SPOCK1: variants seen among roughly 807,000 people sequenced by gnomAD.
The protein encoded by SPOCK1 is SPARC (osteonectin), cwcv and kazal like domains proteoglycan 1.
Under a neutral mutation model 55.3 loss-of-function variants are expected in SPOCK1, and 23 were observed. The ratio of observed to expected loss-of-function variants is 0.42; its 90% confidence interval spans 0.30 to 0.59. SPOCK1 has a LOEUF of 0.59. Ranked by LOEUF, SPOCK1 falls within the 20% of genes least tolerant of loss-of-function variation. The probability of loss-of-function intolerance (pLI) is 0.22; values close to 1 mark genes in which losing one functional copy is unlikely to be tolerated. For synonymous variants in SPOCK1, 226 were observed against 221.0 expected, an observed-to-expected ratio of 1.02 and a Z score of -0.20; for missense variants, 499 against 552.5, an observed-to-expected ratio of 0.90 and a Z score of 0.97.
chr5:137,152,823 C>A (rs948147444), intron 3 of SPOCK1, among the ~76,000 whole-genome samples: 2 of 152,204 alleles, frequency 1.3e-5, no homozygotes, highest in African/African-American at 4.8e-5. Context: ...AACCCTCAAA[C>A]ATCTGAGGTG....
At chr5:137,160,458 A>G (rs1422585487) in intron 3 of SPOCK1, among the ~76,000 whole-genome samples, 4 of 117,688 alleles carry the variant, frequency 3.4e-5, no homozygotes, top group Admixed American at 1.2e-4. Flanking sequence ...TATATATGGG[A>G]CATAGAACAT....
intron 3 of SPOCK1, among the ~76,000 whole-genome samples, chr5:137,164,899 T>C (rs1255813502): frequency 6.6e-6 from 1 of 152,150 alleles, no homozygotes; most frequent in Non-Finnish European, 1.5e-5. Flanking sequence ...TCAGATGCAG[T>C]AAAATAGAAC....
At chr5:137,293,494 GA>G (rs11306043) in intron 2 of SPOCK1, among the ~76,000 whole-genome samples, 130,946 of 152,004 alleles carry the variant, frequency 0.86, 56,764 homozygotes, top group African/African-American at 0.95. Flanking sequence ...CAGAGGAAGT[GA>G]AAAAAAAGAG....
chr5:137,123,632 C>A (rs943797285), intron 4 of SPOCK1, among the ~76,000 whole-genome samples: 2 of 152,038 alleles, frequency 1.3e-5, no homozygotes, highest in African/African-American at 4.8e-5. Flanking sequence ...CAAGAAAAAG[C>A]CTTTTGACTC....
At position 136,988,503 on chromosome 5, in the gene SPOCK1, G is replaced by C. The variant is rs762483512; in HGVS notation, c.847C>G (p.Pro283Ala). ...AAGGAGTCACACGAGTTGAAAAGAG[G>C]CTTGATACAGGGCTCGTACTTATCC... is the stretch of plus-strand genomic sequence containing the variant. The part of the protein sequence containing the change: ...YLDKYEPCIK[P>A]LFNSCDSFKD... The change falls in exon 8 of 11, where the codon CCT becomes GCT. Residue 283 changes from proline (P) to alanine (A), a missense_variant. Pro to Ala is a conservative substitution (Grantham distance 27). This residue lies in a region of SPOCK1 where 386 missense variants were observed against 400.6 expected (regional missense o/e 0.96). Transcript: ENST00000394945. The C allele has an allele frequency of 1.2e-6, 2 of 1,614,038 alleles. No homozygotes were observed. Among genetic ancestry groups the C allele is most frequent in the African/African-American group, 2.7e-5 (2 of 74,918 alleles).
rs114294849 is a variant in SPOCK1 at position 137,450,443 on chromosome 5, A to G, written c.186+47930T>C. 8.3e-3 allele frequency among the ~76,000 whole-genome samples: 1,263 copies of G among 152,256 alleles called. 15 individuals carry two copies. The highest frequency in any genetic ancestry group is 0.029 in the African/African-American group (1,194 of 41,546). On this transcript the variant is annotated intron_variant, in intron 2 of 10. Transcript: ENST00000394945. ...GCATTCCAAAAATGGGGGCAGGTGC[A>G]TCTCCCCAGGAAAGGTGTGGGGTGT...
chr5:137,488,566 T>A (rs1237796765), intron 2 of SPOCK1, among the ~76,000 whole-genome samples: 5 of 152,220 alleles, frequency 3.3e-5, no homozygotes, highest in African/African-American at 1.2e-4. Context: ...GCTCTGGGCA[T>A]CTTTTCTCTT....
chr5:137,382,843 C>T (rs1484491468), intron 2 of SPOCK1, among the ~76,000 whole-genome samples: 1 of 152,196 alleles, frequency 6.6e-6, no homozygotes, highest in African/African-American at 2.4e-5. Flanking sequence ...CCAGCTTAAA[C>T]ATATTCACCT....
At chr5:137,255,419 A>T in intron 3 of SPOCK1, among the ~76,000 whole-genome samples, 1 of 152,244 alleles carries the variant, frequency 6.6e-6, no homozygotes, top group South Asian at 2.1e-4. Flanking sequence ...CAACATACAT[A>T]GCATGGCTTT....
chr5:137,029,899 G>C (rs1045532422), intron 6 of SPOCK1, among the ~76,000 whole-genome samples: 1 of 152,198 alleles, frequency 6.6e-6, no homozygotes, highest in Non-Finnish European at 1.5e-5. Context: ...AACTGGATTT[G>C]ATCATCTGTT....
chr5:137,378,527 C>T (rs370148955), intron 2 of SPOCK1, among the ~76,000 whole-genome samples: 48 of 152,332 alleles, frequency 3.2e-4, no homozygotes, highest in African/African-American at 9.4e-4. Context: ...GAGCTAGATA[C>T]GCTAATGAAC....
chr5:137,359,610 T>C (rs1351371772), intron 2 of SPOCK1, among the ~76,000 whole-genome samples: 1 of 152,194 alleles, frequency 6.6e-6, no homozygotes, highest in African/African-American at 2.4e-5. Context: ...GAAATGCAAA[T>C]TGTGTTAGTT....
intron 3 of SPOCK1, among the ~76,000 whole-genome samples, chr5:137,169,521 A>G (rs1334399588): frequency 3.4e-5 from 1 of 29,068 alleles, no homozygotes; most frequent in Non-Finnish European, 7.7e-5. Context: ...CTATCTGCCC[A>G]GGCACACACA....
intron 2 of SPOCK1, among the ~76,000 whole-genome samples, chr5:137,288,615 T>TG (rs1207666095): frequency 6.6e-6 from 1 of 152,222 alleles, no homozygotes; most frequent in African/African-American, 2.4e-5. Context: ...TCCTGAGACC[T>TG]GGCAGTCATT....
chr5:137,350,833 G>A lies in SPOCK1; in HGVS notation c.187-83778C>T, dbSNP rs549753724. On this transcript the variant is annotated intron_variant, in intron 2 of 10. Coordinates refer to ENST00000394945, the MANE Select transcript of SPOCK1 (RefSeq NM_004598.4). ...TGTGTGTGTGTCCACGCACGTGTGC[G>A]TGTGTGTGTAATGTAGCATCAAAGT... Among the ~76,000 whole-genome samples the A allele has an allele frequency of 5.3e-5, 8 of 152,108 alleles. No homozygotes were observed. The South Asian group carries it at 1.0e-3, about 20-fold the overall frequency.
intron 2 of SPOCK1, among the ~76,000 whole-genome samples, chr5:137,419,756 A>T (rs1236748850): frequency 6.6e-6 from 1 of 152,168 alleles, no homozygotes; most frequent in Non-Finnish European, 1.5e-5. Flanking sequence ...AACAGGGACA[A>T]TTTGACTTCC....
At chr5:137,348,117 G>A (rs1031747446) in intron 2 of SPOCK1, among the ~76,000 whole-genome samples, 5 of 152,142 alleles carry the variant, frequency 3.3e-5, no homozygotes, top group Admixed American at 2.0e-4. Context: ...CTTGTTCACC[G>A]AGTATCCCTA....
intron 6 of SPOCK1, among the ~76,000 whole-genome samples, chr5:137,014,149 C>T (rs1751405753): frequency 6.6e-6 from 1 of 152,018 alleles, no homozygotes; most frequent in Admixed American, 6.6e-5. Flanking sequence ...TGTGTGGCAC[C>T]TCTCTTCTTC....
At position 137,498,510 on chromosome 5, in the gene SPOCK1, G is replaced by T; in HGVS notation, c.49C>A (p.Leu17Ile). Residue 17 changes from leucine to isoleucine, a missense_variant, in exon 2 of 11, where the codon CTC becomes ATC. Leu to Ile is a conservative substitution (Grantham distance 5, BLOSUM62 2). Transcript: ENST00000394945. ...LAAAAAAWCF[L>I]QVESRHLDAL... ...TCCAGGTGCCGGCTCTCGACTTGGA[G>T]GAAGCACCACGCCGCGGCGGCCGCC... 1 of 1,574,084 alleles carries T rather than the reference G, an allele frequency of 6.4e-7. No homozygotes were observed.
Sources: allele counts gnomAD v4.1 joint callset (sites outside exome capture counted in the v4.1 genomes callset), GRCh38; gene constraint gnomAD v4.1.1; regional missense constraint gnomAD v4.1.1; transcripts MANE v1.5; gene names NCBI Gene and HGNC (gene_info 2026-07-23, HGNC 2026-07-21).